The following RBM6 variants were observed in gnomAD, a reference collection of about 807,000 sequenced individuals.
RBM6 encodes the protein RNA binding motif protein 6.
RBM6 carries 23 observed loss-of-function variants against 140.4 expected under a neutral mutation model. The observed-to-expected ratio is 0.16, with a 90% CI of 0.12 to 0.23. RBM6 has a LOEUF of 0.23. RBM6 is among the 10% of genes least tolerant of loss of function. The pLI, the probability that RBM6 is intolerant of heterozygous loss-of-function variation, is 1.00. For missense variants in RBM6, 1,139 were observed against 1,386.7 expected (o/e 0.82, Z 2.84); for synonymous variants, 439 against 475.6 (o/e 0.92, Z 1.00).
intron 5 of RBM6, among the ~76,000 whole-genome samples, chr3:49,993,374 G>A (rs138042428): frequency 6.6e-6 from 1 of 152,166 alleles, no homozygotes; most frequent in Non-Finnish European, 1.5e-5. Context: ...AGGTCAGGTG[G>A]CTCACTCCTA....
chr3:49,948,710 C>CA (rs1313479931), intron 1 of RBM6, among the ~76,000 whole-genome samples: 2 of 116,214 alleles, frequency 1.7e-5, no homozygotes, highest in Non-Finnish European at 1.8e-5. Flanking sequence ...GACTCTGTCT[C>CA]AAAAAAGAAA....
At chr3:50,030,383 G>GTTGA in intron 6 of RBM6, among the ~76,000 whole-genome samples, 1 of 151,668 alleles carries the variant, frequency 6.6e-6, no homozygotes, top group South Asian at 2.1e-4. Context: ...TAATTGGTTG[G>GTTGA]ATACATTAAG....
chr3:49,948,693 AGAGT>A (rs2083598531), intron 1 of RBM6, among the ~76,000 whole-genome samples: 1 of 150,038 alleles, frequency 6.7e-6, no homozygotes, highest in African/African-American at 2.5e-5. Flanking sequence ...GATTGGCAGC[AGAGT>A]GAGACTCTGT....
chr3:50,013,032 C>T (rs1006632320), intron 6 of RBM6, among the ~76,000 whole-genome samples: 6 of 152,172 alleles, frequency 3.9e-5, no homozygotes, highest in Non-Finnish European at 7.3e-5. Flanking sequence ...CGTGAGCCAC[C>T]GTGCCAGGCC....
rs139121339 is a variant in RBM6 at position 49,945,749 on chromosome 3, G to A, written c.-67+5524G>A. On this transcript the variant is annotated intron_variant, in intron 1 of 20. Coordinates refer to ENST00000266022, the MANE Select transcript of RBM6 (RefSeq NM_005777.3). ...TACAAAACATTAACCGGGCGTGGCG[G>A]CATGCACCTGTAGTCCCAGCTGCTG... 2.9e-3 allele frequency among the ~76,000 whole-genome samples: 441 copies of A among 151,858 alleles called. 6 individuals are homozygous for A. The highest frequency in any genetic ancestry group is 0.014 in the East Asian group (71 of 5,142).
At chr3:49,993,426 G>A (rs925803791) in intron 5 of RBM6, among the ~76,000 whole-genome samples, 2 of 152,136 alleles carry the variant, frequency 1.3e-5, no homozygotes, top group African/African-American at 4.8e-5. Flanking sequence ...TGGATAACTC[G>A]AGGTTAGGAG....
chr3:50,011,951 A>G (rs1474940687), intron 6 of RBM6, among the ~76,000 whole-genome samples: 2 of 151,462 alleles, frequency 1.3e-5, no homozygotes, highest in East Asian at 1.9e-4. Flanking sequence ...TCCCGGGCTC[A>G]AGCAATTCTC....
chr3:49,954,460 T>A (rs1340270180), intron 1 of RBM6, among the ~76,000 whole-genome samples: 4 of 149,798 alleles, frequency 2.7e-5, no homozygotes, highest in African/African-American at 4.9e-5. Context: ...AAAAAAAAAA[T>A]TTGTGAAGAC....
intron 18 of RBM6, among the ~76,000 whole-genome samples, chr3:50,070,084 C>T (rs1254993720): frequency 2.0e-5 from 3 of 152,122 alleles, no homozygotes; most frequent in Non-Finnish European, 4.4e-5. Context: ...AGGCCGGGTG[C>T]GGTGGCTCAC....
intron 6 of RBM6, among the ~76,000 whole-genome samples, chr3:50,000,554 G>A (rs2108739695): frequency 6.6e-6 from 1 of 151,830 alleles, no homozygotes; most frequent in South Asian, 2.1e-4. Flanking sequence ...CTGAGTAGCT[G>A]GGATTACAGG....
At chr3:49,945,913 A>G (rs1296871290) in intron 1 of RBM6, among the ~76,000 whole-genome samples, 1 of 150,520 alleles carries the variant, frequency 6.6e-6, no homozygotes, top group Non-Finnish European at 1.5e-5. Context: ...AAAAGAAGAT[A>G]TAAGGATGAG....
intron 5 of RBM6, among the ~76,000 whole-genome samples, chr3:49,977,860 T>C (rs1333607097): frequency 6.6e-6 from 1 of 152,222 alleles, no homozygotes; most frequent in Non-Finnish European, 1.5e-5. Context: ...TGCACACCTG[T>C]AGTCCTAGCT....
chr3:49,941,241 C>T (rs2083268983), intron 1 of RBM6, among the ~76,000 whole-genome samples: 1 of 152,072 alleles, frequency 6.6e-6, no homozygotes, highest in South Asian at 2.1e-4. Context: ...AATATGTTAC[C>T]ATTTTGGTGA....
chr3:49,954,510 G>C (rs1356673216), intron 1 of RBM6, among the ~76,000 whole-genome samples: 1 of 151,938 alleles, frequency 6.6e-6, no homozygotes, highest in Non-Finnish European at 1.5e-5. Flanking sequence ...GAAACTTCTG[G>C]GCTCAAGCCA....
At chr3:50,075,440 C>T in intron 20 of RBM6, 110 bp downstream of exon 20, 1 of 1,410,342 alleles carries the variant, frequency 7.1e-7, no homozygotes, top group Non-Finnish European at 9.7e-7. Context: ...TTCTCTACTG[C>T]TGGGATAGGA....
At chr3:49,980,848 T>C (rs2085276403) in intron 5 of RBM6, among the ~76,000 whole-genome samples, 1 of 152,018 alleles carries the variant, frequency 6.6e-6, no homozygotes, top group Admixed American at 6.6e-5. Context: ...TTTTTGTAAC[T>C]TGGAAATTAT....
At chr3:50,028,421 A>G (rs1456627376) in intron 6 of RBM6, among the ~76,000 whole-genome samples, 1 of 152,172 alleles carries the variant, frequency 6.6e-6, no homozygotes, top group Non-Finnish European at 1.5e-5. Flanking sequence ...ACATGTTTGC[A>G]TTTGTTTCTG....
chr3:50,053,575 T>C (rs1374615457), intron 7 of RBM6, among the ~76,000 whole-genome samples: 6 of 152,106 alleles, frequency 3.9e-5, no homozygotes, highest in Non-Finnish European at 5.9e-5. Context: ...ACTATTGTTA[T>C]TGTTTTCTCC....
At chr3:49,956,259 A>G (rs1169210916) in intron 1 of RBM6, among the ~76,000 whole-genome samples, 1 of 150,800 alleles carries the variant, frequency 6.6e-6, no homozygotes, top group African/African-American at 2.4e-5. Flanking sequence ...GGGTTCAAAC[A>G]ATCTACCTGC....
Sources: gnomAD v4.1 joint callset for allele counts (sites outside exome capture counted in the v4.1 genomes callset) on GRCh38, gnomAD v4.1.1 for gene constraint, MANE v1.5 for transcripts, NCBI Gene and HGNC (gene_info 2026-07-23, HGNC 2026-07-21) for gene names.